PDE8B: variants seen among roughly 807,000 people sequenced by gnomAD.
PDE8B encodes high affinity cAMP-specific and IBMX-insensitive 3',5'-cyclic phosphodiesterase 8B.
Under a neutral mutation model 101.3 loss-of-function variants are expected in PDE8B, and 26 were observed. That is an observed-to-expected ratio of 0.26 (90% CI 0.19 to 0.36). PDE8B has a LOEUF of 0.36. Among genes scored for constraint, PDE8B ranks in the 10% least tolerant of loss-of-function variants. The probability of loss-of-function intolerance (pLI) is 1.00; values close to 1 mark genes in which losing one functional copy is unlikely to be tolerated. For missense variants in PDE8B, 810 were observed against 1,163.1 expected (o/e 0.70, Z 4.42); for synonymous variants, 424 against 429.3 (o/e 0.99, Z 0.15).
chr5:77,189,848 A>T, the PDE8B span, among the ~76,000 whole-genome samples: 2 of 152,318 alleles, frequency 1.3e-5, no homozygotes. Context: ...AAGCCAGGTG[A>T]AGCTAGGAGA....
chr5:77,194,959 G>A, the PDE8B span, among the ~76,000 whole-genome samples: 5 of 152,182 alleles, frequency 3.3e-5, no homozygotes, highest in African/African-American at 1.2e-4. Context: ...ATAAGCCTGG[G>A]AGTGGAATTG....
At chr5:77,089,496 C>T in the PDE8B span, 1 of 152,328 alleles carries the variant, frequency 6.6e-6, no homozygotes, top group Admixed American at 6.5e-5. Flanking sequence ...TCATCCCAAA[C>T]CTATTCCCCA....
the PDE8B span, among the ~76,000 whole-genome samples, chr5:77,109,926 A>ATTTTTTT: frequency 1.2e-5 from 1 of 85,202 alleles, no homozygotes; most frequent in African/African-American, 4.6e-5. Flanking sequence ...TTTGTATTTC[A>ATTTTTTT]GTTTTTTTTT....
the PDE8B span, among the ~76,000 whole-genome samples, chr5:77,200,193 A>G: frequency 2.0e-5 from 3 of 152,174 alleles, no homozygotes; most frequent in Non-Finnish European, 4.4e-5. Flanking sequence ...ACAATGCAGT[A>G]TAGTTCTCAC....
the PDE8B span, chr5:77,141,261 A>G: frequency 6.6e-6 from 1 of 152,218 alleles, no homozygotes; most frequent in Non-Finnish European, 1.5e-5. Context: ...TAAGCACAAA[A>G]GAGGGATCTA....
rs569040210 is a variant in PDE8B at position 77,261,021 on chromosome 5, A to C, written c.339+49757A>C. ...AAGAACAAATTGGGAACGATTGATCAAGACCACACTTCAGATCTGTGAGAC... is the reference window on the plus strand; with the variant it reads ...AAGAACAAATTGGGAACGATTGATCCAGACCACACTTCAGATCTGTGAGAC... On this transcript the variant is annotated intron_variant, in intron 1 of 21. Coordinates refer to ENST00000264917, the MANE Select transcript of PDE8B (RefSeq NM_003719.5). 3.9e-5 allele frequency among the ~76,000 whole-genome samples: 6 copies of C among 152,348 alleles called. No individual in the cohort carries two copies. The South Asian group carries it at 1.2e-3, about 32-fold the overall frequency.
the PDE8B span, among the ~76,000 whole-genome samples, chr5:77,149,234 G>A: frequency 6.6e-6 from 1 of 152,194 alleles, no homozygotes; most frequent in Non-Finnish European, 1.5e-5. Context: ...CTAAGGATAT[G>A]TCTATGCTTA....
At chr5:77,365,164 T>A (rs1218026040) in intron 10 of PDE8B, among the ~76,000 whole-genome samples, 2 of 152,100 alleles carry the variant, frequency 1.3e-5, no homozygotes, top group Non-Finnish European at 2.9e-5. Context: ...CTCCCAACCT[T>A]GGCTGCACAT....
chr5:77,255,583 C>G (rs1036649299), intron 1 of PDE8B, among the ~76,000 whole-genome samples: 7 of 152,216 alleles, frequency 4.6e-5, no homozygotes, highest in Admixed American at 3.9e-4. Flanking sequence ...CTCCCCAGCC[C>G]CGAACTCCCC....
At position 77,354,476 on chromosome 5, in the gene PDE8B, A is replaced by G. The variant is rs140021826; in HGVS notation, c.1167+1070A>G. On this transcript the variant is annotated intron_variant, in intron 10 of 21. Transcript: ENST00000264917. Reference sequence around the variant, plus strand: ...AAGGAAAGAATGGCCTTTCATAGGGAAAAAAAAGGGTTCCAACAGACATTT... The same window carrying G: ...AAGGAAAGAATGGCCTTTCATAGGGGAAAAAAAGGGTTCCAACAGACATTT... Among the ~76,000 whole-genome samples, 690 of 152,096 alleles carry G rather than the reference A, an allele frequency of 4.5e-3. 9 individuals are homozygous for G. The highest frequency in any genetic ancestry group is 0.016 in the African/African-American group (644 of 41,492).
chr5:77,268,978 G>T (rs1391347552), intron 1 of PDE8B, among the ~76,000 whole-genome samples: 1 of 151,666 alleles, frequency 6.6e-6, no homozygotes, highest in Non-Finnish European at 1.5e-5. Context: ...TTTCTTTTGG[G>T]TATATACCCA....
chr5:77,415,460 C>T (rs1268541830), intron 17 of PDE8B, among the ~76,000 whole-genome samples: 3 of 148,806 alleles, frequency 2.0e-5, no homozygotes, highest in Non-Finnish European at 3.0e-5. Context: ...CAGGTTCAAG[C>T]GATTCTCCTG....
chr5:77,233,989 A>G (rs1754173120), intron 1 of PDE8B, among the ~76,000 whole-genome samples: 1 of 151,952 alleles, frequency 6.6e-6, no homozygotes, highest in Non-Finnish European at 1.5e-5. Context: ...TGATGCACCT[A>G]TTATGGATAA....
the PDE8B span, among the ~76,000 whole-genome samples, chr5:77,156,594 C>A: frequency 1.3e-5 from 2 of 152,202 alleles, no homozygotes; most frequent in Admixed American, 6.5e-5. Context: ...CCCTGTGGAA[C>A]TCCACAATCT....
Position 77,317,982 on chromosome 5 carries a change from G to T in PDE8B, c.399+5929G>T, listed in dbSNP as rs1182248819. 2.0e-5 allele frequency among the ~76,000 whole-genome samples: 3 copies of T among 150,146 alleles called. No homozygotes were observed. The East Asian group carries it at 5.9e-4, about 30-fold the overall frequency. On this transcript the variant is annotated intron_variant, in intron 2 of 21. Transcript: ENST00000264917. ...TGAGGCAGAGAATTGCTTGAACCTG[G>T]GAGGTGGAGGTTGCAGTGAGCCAAG...
chr5:77,130,886 A>G, the PDE8B span, among the ~76,000 whole-genome samples: 1 of 152,220 alleles, frequency 6.6e-6, no homozygotes, highest in Non-Finnish European at 1.5e-5. Flanking sequence ...TTTACTCATG[A>G]AGAAACTGAG....
the PDE8B span, among the ~76,000 whole-genome samples, chr5:77,187,171 GTTACACTATGA>G: frequency 2.0e-5 from 3 of 152,168 alleles, no homozygotes; most frequent in African/African-American, 7.2e-5. Context: ...CTTCACAAAG[GTTACACTATGA>G]TTTGGCCTTG....
chr5:77,393,040 T>C (rs895837733), intron 10 of PDE8B, among the ~76,000 whole-genome samples: 3 of 152,226 alleles, frequency 2.0e-5, no homozygotes, highest in African/African-American at 7.2e-5. Context: ...TTTAGAGACT[T>C]GTAGCCAGGA....
chr5:77,359,491 T>C (rs187916390), intron 10 of PDE8B, among the ~76,000 whole-genome samples: 6 of 152,266 alleles, frequency 3.9e-5, no homozygotes, highest in African/African-American at 1.4e-4. Context: ...CCTGCACGGA[T>C]GGGGTTTTTT....
Sources: allele counts gnomAD v4.1 joint callset (sites outside exome capture counted in the v4.1 genomes callset), GRCh38; gene constraint gnomAD v4.1.1; transcripts MANE v1.5; gene names NCBI Gene and HGNC (gene_info 2026-07-23, HGNC 2026-07-21).